Variants in PCDHGA5 observed in about 807,000 individuals in gnomAD.
PCDHGA5 encodes the protein protocadherin gamma subfamily A, 5, also known as protocadherin gamma-A5.
In PCDHGA5, 36 loss-of-function variants were observed where a neutral mutation model predicts 56.7. That is an observed-to-expected ratio of 0.64 (90% CI 0.49 to 0.84). The LOEUF (loss-of-function observed/expected upper bound fraction) is 0.84, where lower values mean the gene tolerates loss of function less well. Among genes scored for constraint, PCDHGA5 ranks in the 40% least tolerant of loss-of-function variants. PCDHGA5 has a pLI of 0.00. For missense variants in PCDHGA5, 1,305 were observed against 1,201.5 expected, an observed-to-expected ratio of 1.09 and a Z score of -1.27; for synonymous variants, 563 against 520.2, an observed-to-expected ratio of 1.08 and a Z score of -1.12.
Position 141,476,962 on chromosome 5 carries a change from C to T in PCDHGA5, c.2422-17845C>T. The stretch of plus-strand genomic sequence containing the variant: ...GCCCCAACGGTGAAATTATTTACTC[C>T]TTCGGCAGCCACAACCGCGCCGGCG... On this transcript the variant is annotated intron_variant, in intron 1 of 3. Coordinates refer to ENST00000518069, the MANE Select transcript of PCDHGA5 (RefSeq NM_018918.3). The surrounding 1 kb of genome is among the most constrained non-coding windows in gnomAD (Gnocchi z 7.6). 6.2e-7 allele frequency: 1 copy of T among 1,614,200 alleles called. No homozygotes were observed. Among genetic ancestry groups the T allele is most frequent in the South Asian group, 1.1e-5 (1 of 91,090 alleles).
intron 1 of PCDHGA5, chr5:141,376,337 A>G (rs780979921): frequency 1.9e-6 from 3 of 1,613,924 alleles, no homozygotes; most frequent in Non-Finnish European, 2.5e-6. Context: ...TTTCCTGCAG[A>G]CCTATTCCCA....
intron 1 of PCDHGA5, among the ~76,000 whole-genome samples, chr5:141,492,670 C>T (rs567661944): frequency 6.6e-6 from 1 of 152,344 alleles, no homozygotes; most frequent in South Asian, 2.1e-4. Context: ...CCCGGGACTC[C>T]GTCTCAAGGG....
chr5:141,413,352 G>A (rs896091511), intron 1 of PCDHGA5: 1 of 1,613,976 alleles, frequency 6.2e-7, no homozygotes, highest in African/African-American at 1.3e-5. Flanking sequence ...TGGGTCTGGC[G>A]CCCCGGGAGC....
Position 141,390,485 on chromosome 5 carries a change from T to G in PCDHGA5, c.2421+23734T>G, listed in dbSNP as rs919971230. On this transcript the variant is annotated intron_variant, in intron 1 of 3. Transcript: ENST00000518069. The stretch of plus-strand genomic sequence containing the variant: ...GCAATTGTGTGGCCCAACATTTGTT[T>G]GTTTTTTAGCCAAGCTTAGATTTAT... The G allele has an allele frequency of 1.4e-5, 9 of 656,166 alleles. No homozygotes were observed. The African/African-American group carries it at 1.5e-4, about 11-fold the overall frequency. The allele number at this position is 656,166 out of a possible 1,614,324, so 40.6% of individuals were successfully genotyped here.
chr5:141,401,672 T>A (rs1468956975), intron 1 of PCDHGA5, among the ~76,000 whole-genome samples: 1 of 152,222 alleles, frequency 6.6e-6, no homozygotes, highest in African/African-American at 2.4e-5. Context: ...CTCAACATCC[T>A]TGTAGGATGG....
At chr5:141,380,374 C>CA (rs1392745416) in intron 1 of PCDHGA5, among the ~76,000 whole-genome samples, 1 of 151,910 alleles carries the variant, frequency 6.6e-6, no homozygotes, top group Non-Finnish European at 1.5e-5. Flanking sequence ...AAAAAAGTCC[C>CA]AAAAAAGAAA....
chr5:141,450,828 TA>T lies in PCDHGA5; in HGVS notation c.2422-43978del, dbSNP rs1427656987. Among the ~76,000 whole-genome samples the T allele has an allele frequency of 7.8e-4, 110 of 141,058 alleles. 1 individual carries two copies. The highest frequency in any genetic ancestry group is 1.8e-3 in the African/African-American group (65 of 36,868). The allele number at this position is 141,058 out of a possible 152,430, so 92.5% of individuals were successfully genotyped here. A position where few individuals can be genotyped will look rare whatever the true frequency, so the allele number is the denominator to read the frequency against. ...TTTATTTATTTAATATTATTATTAT[TA>T]TTTTTTTTTTTTTGAGATGGGGTCT... On this transcript the variant is annotated intron_variant, in intron 1 of 3. Transcript: ENST00000518069.
At chr5:141,370,854 C>T in intron 1 of PCDHGA5, 1 of 1,614,054 alleles carries the variant, frequency 6.2e-7, no homozygotes. Flanking sequence ...CACATTTGCC[C>T]TGGAATCTGC....
intron 1 of PCDHGA5, among the ~76,000 whole-genome samples, chr5:141,473,922 A>T (rs1025156251): frequency 2.0e-5 from 3 of 152,182 alleles, no homozygotes; most frequent in South Asian, 2.1e-4. Flanking sequence ...GAAAACTATG[A>T]GCTGGGTGCA....
chr5:141,476,597 G>C lies in PCDHGA5; in HGVS notation c.2422-18210G>C, dbSNP rs2099394582. On this transcript the variant is annotated intron_variant, in intron 1 of 3. Coordinates refer to ENST00000518069, the MANE Select transcript of PCDHGA5 (RefSeq NM_018918.3). The surrounding 1 kb of genome is among the most constrained non-coding windows in gnomAD (Gnocchi z 7.6). ...GCGCTTTCCGCTCGAGAGCGCGCAC[G>C]ATCCCGATGTGGGAAGCAACTCTTT... The C allele has an allele frequency of 1.2e-6, 2 of 1,614,112 alleles. No individual in the cohort carries two copies. The highest frequency in any genetic ancestry group is 1.7e-6 in the Non-Finnish European group (2 of 1,180,046).
intron 1 of PCDHGA5, chr5:141,419,302 C>A: frequency 6.2e-7 from 1 of 1,614,024 alleles, no homozygotes; most frequent in Non-Finnish European, 8.5e-7. Flanking sequence ...ACCCAGACTT[C>A]GGGCTCAACG....
chr5:141,496,478 G>A lies in PCDHGA5; in HGVS notation c.2480+1613G>A, dbSNP rs150992994. 7.2e-3 allele frequency among the ~76,000 whole-genome samples: 1,093 copies of A among 152,228 alleles called. 19 individuals are homozygous for A. The highest frequency in any genetic ancestry group is 0.025 in the African/African-American group (1,039 of 41,518). ...CCAAGAGTTATCTTTCCCCCATCCT[G>A]CAACCAACCAAACCCTTGTTGCCAC... is the stretch of plus-strand genomic sequence containing the variant. On this transcript the variant is annotated intron_variant, in intron 2 of 3. Transcript: ENST00000518069.
At chr5:141,403,803 T>C (rs1323082699) in intron 1 of PCDHGA5, 5 of 1,613,668 alleles carry the variant, frequency 3.1e-6, no homozygotes. Context: ...TTCTGGAAAA[T>C]TAATGAAAAA....
chr5:141,404,641 G>C, intron 1 of PCDHGA5: 2 of 1,614,178 alleles, frequency 1.2e-6, no homozygotes, highest in Non-Finnish European at 1.7e-6. Context: ...CAGAAATCCT[G>C]TACCCTGCCC....
chr5:141,454,796 A>ATTTTTCT (rs2098799790), intron 1 of PCDHGA5, among the ~76,000 whole-genome samples: 1 of 77,408 alleles, frequency 1.3e-5, no homozygotes, highest in African/African-American at 5.9e-5. Context: ...CATGGTTCTA[A>ATTTTTCT]TTTTTTTTTT....
At chr5:141,376,105 C>T in intron 1 of PCDHGA5, 4 of 1,613,734 alleles carry the variant, frequency 2.5e-6, no homozygotes, top group Non-Finnish European at 2.5e-6. Flanking sequence ...TCCTGGCCGA[C>T]CTGGGCAGCC....
intron 1 of PCDHGA5, chr5:141,408,899 A>G (rs1379621758): frequency 1.2e-6 from 2 of 1,613,316 alleles, no homozygotes; most frequent in Non-Finnish European, 8.5e-7. Context: ...AATTTCTGTC[A>G]AGGATACCAA....
intron 1 of PCDHGA5, among the ~76,000 whole-genome samples, chr5:141,379,797 G>C (rs1775829191): frequency 6.6e-6 from 1 of 150,836 alleles, no homozygotes; most frequent in African/African-American, 2.4e-5. Flanking sequence ...GGCTATCTGA[G>C]GTTTTGAGAG....
At chr5:141,459,846 A>G (rs945742948) in intron 1 of PCDHGA5, among the ~76,000 whole-genome samples, 1 of 152,170 alleles carries the variant, frequency 6.6e-6, no homozygotes, top group Admixed American at 6.5e-5. Context: ...CTATTTGTAT[A>G]TCTTCTTGAA....
Sources: gnomAD v4.1 joint callset for allele counts (sites outside exome capture counted in the v4.1 genomes callset) on GRCh38, gnomAD v4.1.1 for gene constraint, Gnocchi (gnomAD v3.1) non-coding constraint, MANE v1.5 for transcripts, NCBI Gene and HGNC (gene_info 2026-07-23, HGNC 2026-07-21) for gene names.